Variants in DNAH1 observed in about 807,000 individuals in gnomAD.
DNAH1 encodes axonemal beta dynein heavy chain 1.
In DNAH1, 327 loss-of-function variants were observed where a neutral mutation model predicts 484.3. That is an observed-to-expected ratio of 0.68 (90% CI 0.62 to 0.74). The LOEUF (loss-of-function observed/expected upper bound fraction) is 0.74, where lower values mean the gene tolerates loss of function less well. DNAH1 is among the 30% of genes least tolerant of loss of function. The probability of loss-of-function intolerance (pLI) is 0.00; values close to 1 mark genes in which losing one functional copy is unlikely to be tolerated. For missense variants in DNAH1, 5,052 were observed against 5,546.8 expected (o/e 0.91, Z 2.83); for synonymous variants, 2,192 against 2,191.9 (o/e 1.00, Z 0.00).
rs1397483225 is a variant in DNAH1 at position 52,364,446 on chromosome 3, G to T, written c.5245-192G>T. Among the ~76,000 whole-genome samples, 1 of 152,232 alleles carries T rather than the reference G, an allele frequency of 6.6e-6. No homozygotes were observed. Among genetic ancestry groups the T allele is most frequent in the Non-Finnish European group, 1.5e-5 (1 of 68,040 alleles). ...GGGGCTATCGGGACAGTAAAGTGCA[G>T]GGTGCCCGGGGAGCCCAAAGAAGGT... On this transcript the variant is annotated intron_variant, in intron 32 of 77. Transcript: ENST00000420323. This position sits in a 1 kb window ranked among gnomAD's most constrained non-coding sequence, Gnocchi z 4.2.
rs137943611 is a variant in DNAH1 at position 52,354,273 on chromosome 3, C to T, written c.3481-570C>T. Among the ~76,000 whole-genome samples the T allele has an allele frequency of 3.4e-3, 523 of 152,344 alleles. 4 individuals are homozygous for T. Among genetic ancestry groups the T allele is most frequent in the South Asian group, 0.019 (90 of 4,830 alleles). On this transcript the variant is annotated intron_variant, in intron 20 of 77. Coordinates refer to ENST00000420323, the MANE Select transcript of DNAH1 (RefSeq NM_015512.5). The stretch of plus-strand genomic sequence containing the variant: ...CAGTAAATGCCAGAGGTGAGACCAG[C>T]GCCCACACTCCTCCTAACCTTAGCT...
In DNAH1 at chr3:52,349,383, A is replaced by C. The variant is rs376327672; in HGVS notation, c.2489A>C (p.Asp830Ala). The C allele has an allele frequency of 4.0e-5, 65 of 1,613,858 alleles. No homozygotes were observed. In the African/African-American group the frequency reaches 7.3e-4, roughly 18 times the overall value. ...AAGGCCCTGGCCACTTCCGTGCTGG[A>C]CATCCTTGCCAAGAACCTGCATAAG... ...KRKALATSVL[D>A]ILAKNLHKEV... Residue 830 changes from aspartate to alanine, a missense_variant, in exon 14 of 78, where the codon GAC becomes GCC. This residue lies in a region of DNAH1 where 1,263 missense variants were observed against 1,218.8 expected (regional missense o/e 1.04). Coordinates refer to ENST00000420323, the MANE Select transcript of DNAH1 (RefSeq NM_015512.5).
intron 54 of DNAH1, 38 bp from the exon 55 acceptor site, chr3:52,386,122 A>G: frequency 6.3e-7 from 1 of 1,582,654 alleles, no homozygotes. Context: ...CAGAGAAGAG[A>G]AAAGGGGGGA....
At chr3:52,375,120 T>C (rs949428162) in intron 44 of DNAH1, 120 bp from the exon 45 acceptor site, 6 of 1,162,692 alleles carry the variant, frequency 5.2e-6, no homozygotes, top group East Asian at 2.6e-5. Context: ...ATTGATGTAT[T>C]TGTCTTTATT....
At chr3:52,393,712 G>GT in intron 66 of DNAH1, among the ~76,000 whole-genome samples, 1 of 152,294 alleles carries the variant, frequency 6.6e-6, no homozygotes, top group Non-Finnish European at 1.5e-5. Context: ...GAGGCCAGGA[G>GT]TTCAAGACCA....
intron 4 of DNAH1, 116 bp downstream of exon 4, chr3:52,326,430 T>C: frequency 7.8e-7 from 1 of 1,276,740 alleles, no homozygotes; most frequent in East Asian, 2.5e-5. Context: ...TGTGCACAAG[T>C]GTTTAGATCG....
rs1289839533 is a variant in DNAH1 at position 52,370,236 on chromosome 3, C to T, written c.6258+7C>T. 1 of 1,613,314 alleles carries T rather than the reference C, an allele frequency of 6.2e-7. No individual in the cohort carries two copies. The highest frequency in any genetic ancestry group is 1.1e-5 in the South Asian group (1 of 90,926). ...GCCCTTTCTGCCTAGAGAGGTACAG[C>T]CCTGAGAGTGGGGCTAGATGCACCT... On this transcript the variant is annotated splice_region_variant and intron_variant, in intron 39 of 77. Transcript: ENST00000420323.
Position 52,351,422 on chromosome 3 carries a change from G to A in DNAH1, c.2730-540G>A, listed in dbSNP as rs377037224. On this transcript the variant is annotated intron_variant, in intron 16 of 77. Coordinates refer to ENST00000420323, the MANE Select transcript of DNAH1 (RefSeq NM_015512.5). ...CCATCAGGGCCCTGCCCAGGAGAGGGAGACACTGGCAGACAGGGCATCTGG... is the reference window on the plus strand; with the variant it reads ...CCATCAGGGCCCTGCCCAGGAGAGGAAGACACTGGCAGACAGGGCATCTGG... Among the ~76,000 whole-genome samples the A allele has an allele frequency of 3.3e-5, 5 of 152,366 alleles. No individual in the cohort carries two copies. The East Asian group carries it at 5.8e-4, about 18-fold the overall frequency.
chr3:52,399,410 G>A, intron 76 of DNAH1, 135 bp from the exon 77 acceptor site: 1 of 947,434 alleles, frequency 1.1e-6, no homozygotes, highest in Non-Finnish European at 1.6e-6. Flanking sequence ...CACAGGCCAT[G>A]GGCTAAAGTG....
chr3:52,354,177 AAAAC>A (rs1702512928), intron 20 of DNAH1, among the ~76,000 whole-genome samples: 1 of 152,068 alleles, frequency 6.6e-6, no homozygotes, highest in Non-Finnish European at 1.5e-5. Flanking sequence ...AAAACAAAAG[AAAAC>A]AAACAAACAA....
At chr3:52,324,988 CTT>C (rs1483035673) in intron 3 of DNAH1, among the ~76,000 whole-genome samples, 1 of 152,072 alleles carries the variant, frequency 6.6e-6, no homozygotes, top group Non-Finnish European at 1.5e-5. Context: ...GCATGGGTCT[CTT>C]CGCCCTGGCT....
intron 4 of DNAH1, 129 bp from the exon 5 acceptor site, chr3:52,326,606 G>T: frequency 8.4e-7 from 1 of 1,194,794 alleles, no homozygotes. Flanking sequence ...TCTCAGAGGG[G>T]TGGAGGGCTC....
At position 52,327,860 on chromosome 3, in the gene DNAH1, A is replaced by G. The variant is rs182304532; in HGVS notation, c.739-22A>G. On this transcript the variant is annotated intron_variant, in intron 5 of 77. Coordinates refer to ENST00000420323, the MANE Select transcript of DNAH1 (RefSeq NM_015512.5). ...CCACTAGAGGAGCTGCTTCTTCCCA[A>G]TGTTGGCCTGCTTTCTTCCAGGTAT... The G allele has an allele frequency of 1.9e-3, 3,037 of 1,611,222 alleles. 3 individuals carry two copies. Among genetic ancestry groups the G allele is most frequent in the Non-Finnish European group, 2.3e-3 (2,698 of 1,177,658 alleles).
Position 52,322,537 on chromosome 3 carries a change from G to C in DNAH1, c.95G>C (p.Arg32Thr), listed in dbSNP as rs1157383025. Residue 32 changes from arginine (R) to threonine (T), a missense_variant, in exon 2 of 78, where the codon AGG (arginine) becomes ACG (threonine). Arg to Thr is a moderately conservative substitution (Grantham distance 71). This residue lies in a region of DNAH1 where 1,263 missense variants were observed against 1,218.8 expected (regional missense o/e 1.04). Coordinates refer to ENST00000420323, the MANE Select transcript of DNAH1 (RefSeq NM_015512.5). The stretch of plus-strand genomic sequence containing the variant: ...CCTGCAGTCCAAGTGGGGACCCACA[G>C]GGGCCTAGAGTATAACCCGGGGAAG... ...SAPAVQVGTH[R>T]GLEYNPGKIL... The C allele has an allele frequency of 6.2e-7, 1 of 1,613,680 alleles. No homozygotes were observed. The highest frequency in any genetic ancestry group is 8.5e-7 in the Non-Finnish European group (1 of 1,179,808).
rs1701586841 is a variant in DNAH1 at position 52,332,316 on chromosome 3, A to G, written c.1208A>G (p.Gln403Arg). The change falls in exon 8 of 78, where the codon CAG (glutamine) becomes CGG (arginine). Residue 403 changes from glutamine to arginine, a missense_variant. Coordinates refer to ENST00000420323, the MANE Select transcript of DNAH1 (RefSeq NM_015512.5). ...GTGGACTGCATGCCCTCTGACGGCC[A>G]GCATGTCATCAGTGAACAGAGCCTG... Reference protein sequence around the residue: ...LYVDCMPSDGQHVISEQSLSK... With the variant: ...LYVDCMPSDGRHVISEQSLSK... 1.2e-6 allele frequency: 2 copies of G among 1,614,092 alleles called. No homozygotes were observed. The highest frequency in any genetic ancestry group is 1.7e-6 in the Non-Finnish European group (2 of 1,179,908).
upstream of DNAH1, among the ~76,000 whole-genome samples, chr3:52,314,677 A>G (rs937805297): frequency 6.6e-6 from 1 of 152,158 alleles, no homozygotes. Flanking sequence ...CATGGTAGGG[A>G]GTGAGTCATC....
At chr3:52,390,852 C>A in intron 60 of DNAH1, 83 bp from the exon 61 acceptor site, 3 of 1,536,302 alleles carry the variant, frequency 2.0e-6, no homozygotes, top group Non-Finnish European at 2.6e-6. Context: ...ATAGCCGAAA[C>A]ACGAGGCCGG....
chr3:52,326,986 A>C, intron 5 of DNAH1, 95 bp downstream of exon 5: 4 of 1,424,050 alleles, frequency 2.8e-6, no homozygotes, highest in Non-Finnish European at 3.8e-6. Flanking sequence ...GGATTCCCCC[A>C]CCAGTCACCA....
chr3:52,397,169 C>CA, intron 73 of DNAH1, 125 bp downstream of exon 73: 1 of 926,912 alleles, frequency 1.1e-6, no homozygotes, highest in African/African-American at 1.7e-5. Context: ...GTCTTTTCAT[C>CA]AGTCAATCCA....
Sources: allele counts gnomAD v4.1 joint callset (sites outside exome capture counted in the v4.1 genomes callset), GRCh38; gene constraint gnomAD v4.1.1; regional missense constraint gnomAD v4.1.1; non-coding constraint Gnocchi (gnomAD v3.1); transcripts MANE v1.5; gene names NCBI Gene and HGNC (gene_info 2026-07-23, HGNC 2026-07-21).